CELF2: variants seen among roughly 807,000 people sequenced by gnomAD.
The protein encoded by CELF2 is CUGBP Elav-like family member 2.
CELF2 carries 8 observed loss-of-function variants against 62.6 expected under a neutral mutation model. The observed-to-expected ratio is 0.13, with a 90% confidence interval of 0.07 to 0.23. CELF2 has a LOEUF of 0.23. CELF2 is among the 10% of genes least tolerant of loss of function. The pLI is 1.00. For missense variants in CELF2, 333 were observed against 671.0 expected (o/e 0.50, Z 5.56); for synonymous variants, 258 against 250.0 (o/e 1.03, Z -0.30).
the CELF2 span, among the ~76,000 whole-genome samples, chr10:10,601,138 C>T: frequency 6.6e-5 from 10 of 152,208 alleles, no homozygotes; most frequent in African/African-American, 1.9e-4. Context: ...AATACCCTAC[C>T]TCTTAGAACT....
the CELF2 span, among the ~76,000 whole-genome samples, chr10:10,580,989 T>A: frequency 6.6e-6 from 1 of 152,284 alleles, no homozygotes; most frequent in African/African-American, 2.4e-5. Flanking sequence ...TATAGAAAAA[T>A]AGATCTATTT....
the CELF2 span, among the ~76,000 whole-genome samples, chr10:10,526,092 A>G: frequency 6.6e-6 from 1 of 152,172 alleles, no homozygotes; most frequent in Non-Finnish European, 1.5e-5. Flanking sequence ...GTTTTTTCAC[A>G]TATAGATGTT....
At chr10:10,498,251 C>T in the CELF2 span, among the ~76,000 whole-genome samples, 1 of 152,152 alleles carries the variant, frequency 6.6e-6, no homozygotes, top group Admixed American at 6.5e-5. Context: ...AATGCCAGTG[C>T]CCTATGCAGA....
At chr10:10,627,514 A>G in the CELF2 span, among the ~76,000 whole-genome samples, 21 of 152,198 alleles carry the variant, frequency 1.4e-4, no homozygotes, top group Non-Finnish European at 1.5e-4. Context: ...TAGAAGTCCC[A>G]TTTCTTTCCA....
chr10:11,187,809 C>T (rs547650706), intron 2 of CELF2, among the ~76,000 whole-genome samples: 12 of 152,284 alleles, frequency 7.9e-5, no homozygotes, highest in African/African-American at 2.9e-4. Flanking sequence ...TTTGCTTTTA[C>T]ATGTTAAAAT....
At chr10:11,099,328 G>A (rs1367038522) in intron 1 of CELF2, among the ~76,000 whole-genome samples, 1 of 152,120 alleles carries the variant, frequency 6.6e-6, no homozygotes, top group East Asian at 1.9e-4. Context: ...CATATACTTG[G>A]CAATAAGTCA....
chr10:10,683,650 A>C, the CELF2 span, among the ~76,000 whole-genome samples: 2 of 152,238 alleles, frequency 1.3e-5, no homozygotes, highest in Admixed American at 6.5e-5. Flanking sequence ...TTTAGAGTAC[A>C]GATGGGAAAG....
intron 1 of CELF2, among the ~76,000 whole-genome samples, chr10:11,063,742 A>G (rs112636953): frequency 4.6e-5 from 7 of 152,290 alleles, no homozygotes; most frequent in African/African-American, 1.7e-4. Flanking sequence ...AGAACTCAGT[A>G]TTGTATTGAT....
In CELF2 at chr10:11,227,316, G is replaced by A. The variant is rs572596949; in HGVS notation, c.354+9809G>A. Among the ~76,000 whole-genome samples, 1 of 152,272 alleles carries A rather than the reference G, an allele frequency of 6.6e-6. No homozygotes were observed. Among genetic ancestry groups the A allele is most frequent in the South Asian group, 2.1e-4 (1 of 4,826 alleles). ...TTCTGAATCTGCTGCTGCCGACAAGGGACCAGACTCACCACCACAAACCAG... is the reference window on the plus strand; with the variant it reads ...TTCTGAATCTGCTGCTGCCGACAAGAGACCAGACTCACCACCACAAACCAG... On this transcript the variant is annotated intron_variant, in intron 3 of 12. Coordinates refer to ENST00000633077, the MANE Select transcript of CELF2 (RefSeq NM_001326342.2). This position sits in a 1 kb window ranked among gnomAD's most constrained non-coding sequence, Gnocchi z 4.8.
intron 1 of CELF2, among the ~76,000 whole-genome samples, chr10:10,823,085 T>A (rs938279094): frequency 6.6e-6 from 1 of 152,218 alleles, no homozygotes; most frequent in African/African-American, 2.4e-5. Flanking sequence ...AAAAAGACCC[T>A]TAAAATGGCA....
At chr10:11,101,853 G>C (rs552842566) in intron 1 of CELF2, among the ~76,000 whole-genome samples, 1 of 152,248 alleles carries the variant, frequency 6.6e-6, no homozygotes, top group Admixed American at 6.5e-5. Flanking sequence ...ATAATGATCT[G>C]TACTTTTGTT....
At chr10:10,900,426 A>C (rs981165608) in intron 1 of CELF2, among the ~76,000 whole-genome samples, 1 of 152,210 alleles carries the variant, frequency 6.6e-6, no homozygotes, top group Non-Finnish European at 1.5e-5. Flanking sequence ...AATTTATATA[A>C]TTTATCACAT....
At chr10:10,617,607 C>T in the CELF2 span, among the ~76,000 whole-genome samples, 1 of 152,054 alleles carries the variant, frequency 6.6e-6, no homozygotes, top group Non-Finnish European at 1.5e-5. Flanking sequence ...GACCATCTGG[C>T]TGCAGATTCC....
intron 1 of CELF2, among the ~76,000 whole-genome samples, chr10:11,054,489 T>G (rs2762530): frequency 0.38 from 56,802 of 149,498 alleles, 12,382 homozygotes; most frequent in African/African-American, 0.6. Context: ...GTATGTGTGT[T>G]TGTGTGTGTG....
rs1426400888 is a variant in CELF2 at position 11,075,267 on chromosome 10, TTC to T, written c.74+57106_74+57107del. On this transcript the variant is annotated intron_variant, in intron 1 of 12. Transcript: ENST00000633077. This position sits in a 1 kb window ranked among gnomAD's most constrained non-coding sequence, Gnocchi z 5.4. The stretch of plus-strand genomic sequence containing the variant: ...GAGTCATCAGAAGGCATGTTGATAC[TTC>T]TTTTACTAAATAGCAAAAGCATAAT... 6.6e-6 allele frequency: 1 copy of T among 152,236 alleles called. No individual in the cohort carries two copies. The highest frequency in any genetic ancestry group is 1.9e-4 in the East Asian group (1 of 5,198). The allele number at this position is 152,236 out of a possible 1,614,324, so 9.4% of individuals were successfully genotyped here.
At chr10:10,526,036 T>C in the CELF2 span, among the ~76,000 whole-genome samples, 11 of 152,218 alleles carry the variant, frequency 7.2e-5, no homozygotes, top group Non-Finnish European at 1.5e-4. Context: ...TGATAGCTCA[T>C]TGTGGTTTTA....
chr10:11,000,502 C>A (rs1322768475), upstream of CELF2, among the ~76,000 whole-genome samples: 1 of 152,136 alleles, frequency 6.6e-6, no homozygotes, highest in African/African-American at 2.4e-5. Context: ...CATTCCTGCG[C>A]CCTGCTCCTC....
intron 2 of CELF2, chr10:11,169,277 A>G (rs1301549568): frequency 6.6e-6 from 1 of 152,256 alleles, no homozygotes; most frequent in African/African-American, 2.4e-5. Flanking sequence ...TAACTCTCAT[A>G]CAAAAGAACA....
the CELF2 span, among the ~76,000 whole-genome samples, chr10:10,584,109 T>A: frequency 6.6e-6 from 1 of 152,144 alleles, no homozygotes; most frequent in Non-Finnish European, 1.5e-5. Flanking sequence ...ACCACCTACC[T>A]AAAAACAAGC....
Sources: allele counts gnomAD v4.1 joint callset (sites outside exome capture counted in the v4.1 genomes callset), GRCh38; gene constraint gnomAD v4.1.1; non-coding constraint Gnocchi (gnomAD v3.1); transcripts MANE v1.5; gene names NCBI Gene and HGNC (gene_info 2026-07-23, HGNC 2026-07-21).